CWC27: variants seen among roughly 807,000 people sequenced by gnomAD.
The protein encoded by CWC27 is CWC27 spliceosome associated cyclophilin.
A neutral mutation model predicts 63.6 loss-of-function variants in CWC27; 47 were observed. The ratio of observed to expected loss-of-function variants is 0.74; its 90% CI spans 0.58 to 0.94. The LOEUF (loss-of-function observed/expected upper bound fraction) is 0.94. Among genes scored for constraint, CWC27 ranks in the 40% least tolerant of loss-of-function variants. The pLI, the probability that CWC27 is intolerant of heterozygous loss-of-function variation, is 0.00. For synonymous variants in CWC27, 175 were observed against 179.8 expected (o/e 0.97, Z 0.22); for missense variants, 495 against 554.3 (o/e 0.89, Z 1.07).
intron 10 of CWC27, among the ~76,000 whole-genome samples, chr5:64,837,349 G>A (rs1745682700): frequency 6.6e-6 from 1 of 152,068 alleles, no homozygotes; most frequent in Admixed American, 6.6e-5. Context: ...AGTTGAAGAT[G>A]TTAAGCTCTT....
At chr5:64,930,540 G>A (rs894551875) in intron 11 of CWC27, among the ~76,000 whole-genome samples, 1 of 152,076 alleles carries the variant, frequency 6.6e-6, no homozygotes, top group African/African-American at 2.4e-5. Context: ...CTTACAGTAA[G>A]ATAACAAACA....
intron 10 of CWC27, 199 bp downstream of exon 10, chr5:64,804,585 A>G (rs181875545): frequency 4.0e-4 from 196 of 488,150 alleles, no homozygotes; most frequent in African/African-American, 3.5e-3. Flanking sequence ...CAATGATCCT[A>G]TGAGTTCAAT....
intron 13 of CWC27, among the ~76,000 whole-genome samples, chr5:65,003,653 T>C (rs1480575646): frequency 6.6e-6 from 1 of 152,198 alleles, no homozygotes. Context: ...ATTTTTGAAA[T>C]ATAGCCTTGC....
intron 13 of CWC27, among the ~76,000 whole-genome samples, chr5:64,984,043 G>A (rs1254219617): frequency 6.6e-6 from 1 of 152,128 alleles, no homozygotes; most frequent in Non-Finnish European, 1.5e-5. Context: ...ATGTTGGTCA[G>A]ACTGGTCTCG....
chr5:64,840,413 ATATATATATATATATATAC>A (rs1745800048), intron 10 of CWC27, among the ~76,000 whole-genome samples: 7 of 90,348 alleles, frequency 7.7e-5, no homozygotes, highest in South Asian at 7.4e-4. Flanking sequence ...ATATATATAT[ATATATATATATATATATAC>A]TTATTAAGGA....
intron 11 of CWC27, among the ~76,000 whole-genome samples, chr5:64,954,272 A>G (rs533896419): frequency 6.6e-6 from 1 of 152,162 alleles, no homozygotes; most frequent in Admixed American, 6.5e-5. Flanking sequence ...AGTGACAACT[A>G]CTTCCCTGAT....
chr5:64,937,438 T>C (rs533674786), intron 11 of CWC27, among the ~76,000 whole-genome samples: 2 of 152,338 alleles, frequency 1.3e-5, no homozygotes, highest in Admixed American at 6.5e-5. Flanking sequence ...GAGTTCTAAT[T>C]TGATTGCACT....
chr5:64,810,404 T>C (rs1348241240), intron 10 of CWC27, among the ~76,000 whole-genome samples: 1 of 152,158 alleles, frequency 6.6e-6, no homozygotes, highest in African/African-American at 2.4e-5. Flanking sequence ...ATACTAATTT[T>C]AGGATTTTTT....
At chr5:64,786,232 A>G (rs1253582655) in intron 5 of CWC27, among the ~76,000 whole-genome samples, 6 of 152,008 alleles carry the variant, frequency 3.9e-5, no homozygotes, top group Admixed American at 2.6e-4. Context: ...TTGGAATCAA[A>G]GCATCTGAGT....
At chr5:64,980,685 G>A (rs1286993405) in intron 13 of CWC27, among the ~76,000 whole-genome samples, 4 of 151,738 alleles carry the variant, frequency 2.6e-5, no homozygotes, top group South Asian at 2.1e-4. Flanking sequence ...TCTCCCCTCC[G>A]TCACTTTCTT....
At chr5:64,834,618 TA>T (rs1220174859) in intron 10 of CWC27, among the ~76,000 whole-genome samples, 1 of 151,700 alleles carries the variant, frequency 6.6e-6, no homozygotes, top group Non-Finnish European at 1.5e-5. Flanking sequence ...GCATTTATCT[TA>T]ACTGTATTTT....
intron 11 of CWC27, among the ~76,000 whole-genome samples, chr5:64,926,505 A>G (rs1350472548): frequency 6.6e-6 from 1 of 151,982 alleles, no homozygotes; most frequent in Non-Finnish European, 1.5e-5. Context: ...TGCTTACTAT[A>G]TTATATTCTA....
Position 64,982,811 on chromosome 5 carries a change from T to C in CWC27, c.1256+5573T>C, listed in dbSNP as rs554993614. ...CACCAGGGGTCCCCAACCCCCAGAC[T>C]GCAGACTGGTACTGGTCCATGGCCT... is the stretch of plus-strand genomic sequence containing the variant. On this transcript the variant is annotated intron_variant, in intron 13 of 13. Coordinates refer to ENST00000381070, the MANE Select transcript of CWC27 (RefSeq NM_005869.4). Among the ~76,000 whole-genome samples, 22 of 152,288 alleles carry C rather than the reference T, an allele frequency of 1.4e-4. No individual in the cohort carries two copies. The East Asian group carries it at 4.2e-3, about 29-fold the overall frequency.
At chr5:64,911,365 A>G (rs1475073410) in intron 11 of CWC27, among the ~76,000 whole-genome samples, 3 of 152,208 alleles carry the variant, frequency 2.0e-5, no homozygotes, top group Non-Finnish European at 4.4e-5. Flanking sequence ...ACTAAGGCAT[A>G]TGGTTTAATC....
chr5:64,811,698 A>G (rs1744883642), intron 10 of CWC27, among the ~76,000 whole-genome samples: 1 of 152,042 alleles, frequency 6.6e-6, no homozygotes, highest in Non-Finnish European at 1.5e-5. Flanking sequence ...TTATTTGATA[A>G]AGTTAACTGG....
chr5:64,998,675 C>T (rs1452844420), intron 13 of CWC27, among the ~76,000 whole-genome samples: 1 of 151,998 alleles, frequency 6.6e-6, no homozygotes, highest in Non-Finnish European at 1.5e-5. Context: ...GAGATTTTTC[C>T]ATGATAGTGG....
At chr5:64,954,473 GGGA>G (rs1432162738) in intron 11 of CWC27, among the ~76,000 whole-genome samples, 1 of 151,814 alleles carries the variant, frequency 6.6e-6, no homozygotes, top group Non-Finnish European at 1.5e-5. Flanking sequence ...TTAAAGACAT[GGGA>G]TCTCGCTATG....
At chr5:64,892,953 G>T (rs1258261754) in intron 11 of CWC27, among the ~76,000 whole-genome samples, 1 of 152,144 alleles carries the variant, frequency 6.6e-6, no homozygotes, top group Non-Finnish European at 1.5e-5. Flanking sequence ...TAAAAATTCT[G>T]CAAGGAAAGA....
intron 11 of CWC27, among the ~76,000 whole-genome samples, chr5:64,963,881 T>A (rs1748965820): frequency 6.6e-6 from 1 of 152,234 alleles, no homozygotes; most frequent in African/African-American, 2.4e-5. Flanking sequence ...CCAGTGGGTA[T>A]AACAGGAGGT....
Sources: allele counts gnomAD v4.1 joint callset (sites outside exome capture counted in the v4.1 genomes callset), GRCh38; gene constraint gnomAD v4.1.1; transcripts MANE v1.5; gene names NCBI Gene and HGNC (gene_info 2026-07-23, HGNC 2026-07-21).